The following RTN4R variants were observed in gnomAD, a reference collection of about 807,000 sequenced individuals.
The protein encoded by RTN4R is reticulon 4 receptor, also known as reticulon-4 receptor.
RTN4R carries 4 observed loss-of-function variants against 27.7 expected under a neutral mutation model. That is an observed-to-expected ratio of 0.14 (90% CI 0.07 to 0.33). The LOEUF (loss-of-function observed/expected upper bound fraction) is 0.33. Among genes scored for constraint, RTN4R ranks in the 10% least tolerant of loss-of-function variants. The probability of loss-of-function intolerance (pLI) is 1.00; values close to 1 mark genes in which losing one functional copy is unlikely to be tolerated. For missense variants in RTN4R, 554 were observed against 671.5 expected (o/e 0.83, Z 1.93); for synonymous variants, 290 against 305.6 (o/e 0.95, Z 0.53).
intron 1 of RTN4R, among the ~76,000 whole-genome samples, chr22:20,258,448 C>T (rs760764177): frequency 7.2e-5 from 11 of 152,222 alleles, no homozygotes; most frequent in Non-Finnish European, 1.6e-4. Context: ...GGGTAATGGC[C>T]CATAAGCTCC....
chr22:20,249,043 C>A, intron 1 of RTN4R: 2 of 504,170 alleles, frequency 4.0e-6, no homozygotes, highest in Non-Finnish European at 8.2e-6. Flanking sequence ...AGCCAGTGCC[C>A]CCTTGCCCCA....
In RTN4R at chr22:20,242,748, G is replaced by A; in HGVS notation, c.385C>T (p.Leu129=). 1 of 1,612,730 alleles carries A rather than the reference G, an allele frequency of 6.2e-7. No individual in the cohort carries two copies. The highest frequency in any genetic ancestry group is 8.5e-7 in the Non-Finnish European group (1 of 1,179,690). Residue 129 remains leucine, a synonymous_variant, in exon 2 of 2, where the codon CTG becomes TTG. Transcript: ENST00000043402. ...AGGTGCAGCGTGTGTAGGCGGCCCA[G>A]GCCGTGGAATGTGGCAGGGTCCACA... ...RSVDPATFHG[L]GRLHTLHLDR... is the part of the protein sequence containing the mutation.
rs2051110209 is a variant in RTN4R, at chr22:20,242,049, G to A, written c.1084C>T (p.Arg362Cys). 6.2e-7 allele frequency: 1 copy of A among 1,612,424 alleles called. No homozygotes were observed. The highest frequency in any genetic ancestry group is 8.5e-7 in the Non-Finnish European group (1 of 1,179,880). The change falls in exon 2 of 2, where the codon CGC (arginine) becomes TGC (cysteine). Residue 362 changes from arginine (R) to cysteine (C), a missense_variant. Physicochemically the swap from Arg to Cys is radical, Grantham distance 180. This residue lies in a region of RTN4R where 413 missense variants were observed against 542.3 expected (regional missense o/e 0.76). Coordinates refer to ENST00000043402, the MANE Select transcript of RTN4R (RefSeq NM_023004.6). ...PASAGNALKG[R>C]VPPGDSPPGN... ...GGCGGGCTGTCACCGGGCGGCACGC[G>A]TCCCTTCAGCGCATTGCCTGCCGAA...
intron 1 of RTN4R, among the ~76,000 whole-genome samples, chr22:20,267,069 T>C (rs2051281977): frequency 6.6e-6 from 1 of 152,216 alleles, no homozygotes. Context: ...ACAGCAGGCA[T>C]GCCGCGTGCA....
chr22:20,242,358 C>T lies in RTN4R; in HGVS notation c.775G>A (p.Asp259Asn), dbSNP rs3747073. 7.6e-5 allele frequency: 123 copies of T among 1,612,644 alleles called. No individual in the cohort carries two copies. The East Asian group carries it at 1.9e-3, about 25-fold the overall frequency. ...LRALQYLRLN[D>N]NPWVCDCRAR... The stretch of plus-strand genomic sequence containing the variant: ...CGGCAGTCACACACCCAGGGGTTGT[C>T]GTTGAGCCTCAGGTACTGCAGGGCA... Residue 259 changes from aspartate (D) to asparagine (N), a missense_variant, in exon 2 of 2, where the codon GAC becomes AAC. This residue lies in a region of RTN4R where 413 missense variants were observed against 542.3 expected (regional missense o/e 0.76). Coordinates refer to ENST00000043402, the MANE Select transcript of RTN4R (RefSeq NM_023004.6).
intron 1 of RTN4R, among the ~76,000 whole-genome samples, chr22:20,264,435 C>T (rs1337190276): frequency 6.6e-6 from 1 of 152,194 alleles, no homozygotes. Flanking sequence ...CCCGCCGCTC[C>T]GATCGGGCTT....
chr22:20,267,107 G>A (rs947569440), intron 1 of RTN4R, among the ~76,000 whole-genome samples: 5 of 152,394 alleles, frequency 3.3e-5, no homozygotes, highest in South Asian at 4.1e-4. Flanking sequence ...GTGTGCAGGC[G>A]GGGGCGAGGA....
In RTN4R at chr22:20,242,685, A is replaced by G. The variant is rs2051115756; in HGVS notation, c.448T>C (p.Phe150Leu). ...TACTGCAGGGCAGCCAGGCCGCGGAACAGCCCCGGGCCCAGCTCCTGCAGG... is the reference window on the plus strand; with the variant it reads ...TACTGCAGGGCAGCCAGGCCGCGGAGCAGCCCCGGGCCCAGCTCCTGCAGG... The part of the protein sequence containing the change: ...CGLQELGPGL[F>L]RGLAALQYLY... The change falls in exon 2 of 2, where the codon TTC becomes CTC. Residue 150 changes from phenylalanine (F) to leucine (L), a missense_variant. This residue lies in a region of RTN4R where 413 missense variants were observed against 542.3 expected (regional missense o/e 0.76). Coordinates refer to ENST00000043402, the MANE Select transcript of RTN4R (RefSeq NM_023004.6). 6.2e-7 allele frequency: 1 copy of G among 1,612,422 alleles called. No homozygotes were observed. Among genetic ancestry groups the G allele is most frequent in the Admixed American group, 1.7e-5 (1 of 59,974 alleles).
At chr22:20,256,260 C>A (rs1329941672) in intron 1 of RTN4R, among the ~76,000 whole-genome samples, 1 of 152,200 alleles carries the variant, frequency 6.6e-6, no homozygotes, top group Non-Finnish European at 1.5e-5. Flanking sequence ...AGGGGTCCCT[C>A]AAGTCCAAGG....
At chr22:20,262,915 G>A (rs1008852482) in intron 1 of RTN4R, among the ~76,000 whole-genome samples, 1 of 152,222 alleles carries the variant, frequency 6.6e-6, no homozygotes, top group Non-Finnish European at 1.5e-5. Context: ...TGATAGCCGG[G>A]GATCCAGGCA....
At position 20,241,446 on chromosome 22, in the gene RTN4R, C is replaced by G. The variant is rs1046554120; in HGVS notation, c.*265G>C. The G allele has an allele frequency of 3.7e-6, 2 of 544,796 alleles. No individual in the cohort carries two copies. Among genetic ancestry groups the G allele is most frequent in the Admixed American group, 6.6e-5 (2 of 30,208 alleles). 33.7% of individuals were successfully genotyped at this position (544,796 alleles called of 1,614,324 possible). A position where few individuals can be genotyped will look rare whatever the true frequency, so the allele number is the denominator to read the frequency against. The stretch of plus-strand genomic sequence containing the variant: ...AAAGAGCTCTTTATTCCACGTCGTC[C>G]GATATTTTTACACAAGTAAAATAAA... On this transcript the variant is annotated 3_prime_UTR_variant, in exon 2 of 2. Coordinates refer to ENST00000043402, the MANE Select transcript of RTN4R (RefSeq NM_023004.6).
At chr22:20,247,002 C>T (rs9606294) in intron 1 of RTN4R, among the ~76,000 whole-genome samples, 19,266 of 152,216 alleles carry the variant, frequency 0.13, 1,406 homozygotes, top group South Asian at 0.23. Context: ...CAGTGCTGCC[C>T]GGAGGGGCCA....
At chr22:20,252,469 T>A (rs1414707094) in intron 1 of RTN4R, among the ~76,000 whole-genome samples, 2 of 152,172 alleles carry the variant, frequency 1.3e-5, no homozygotes, top group African/African-American at 4.8e-5. Context: ...ATCCTCCCAT[T>A]GTACGGTGAG....
In RTN4R at chr22:20,242,393, G is replaced by A. The variant is rs771381112; in HGVS notation, c.740C>T (p.Ala247Val). 10 of 1,612,986 alleles carry A rather than the reference G, an allele frequency of 6.2e-6. No individual in the cohort carries two copies. Among genetic ancestry groups the A allele is most frequent in the Middle Eastern group, 1.6e-4 (1 of 6,080 alleles). Reference protein sequence around the residue: ...NLSALPTEALAPLRALQYLRL... With the variant: ...NLSALPTEALVPLRALQYLRL... ...CAGGTACTGCAGGGCACGCAGGGGG[G>A]CCAGGGCCTCAGTGGGCAGCGCTGA... is the stretch of plus-strand genomic sequence containing the variant. The change falls in exon 2 of 2, where the codon GCC (alanine) becomes GTC (valine). Residue 247 changes from alanine to valine, a missense_variant. Around this residue, in one of 2 missense-constraint regions of RTN4R, gnomAD observed 413 missense variants for 542.3 expected, o/e 0.76. Coordinates refer to ENST00000043402, the MANE Select transcript of RTN4R (RefSeq NM_023004.6).
At chr22:20,243,249 C>G in intron 1 of RTN4R, 139 bp from the exon 2 acceptor site, 1 of 782,216 alleles carries the variant, frequency 1.3e-6, no homozygotes, top group Non-Finnish European at 2.1e-6. Flanking sequence ...CCACCACCCC[C>G]GGGAATCGCA....
At chr22:20,263,472 C>A (rs1482037730) in intron 1 of RTN4R, among the ~76,000 whole-genome samples, 1 of 152,240 alleles carries the variant, frequency 6.6e-6, no homozygotes, top group Non-Finnish European at 1.5e-5. Context: ...GTGATACCCC[C>A]AACATTCCAA....
rs750573658 is a variant in RTN4R, at chr22:20,242,153, T to C, written c.980A>G (p.Glu327Gly). 2.5e-6 allele frequency: 4 copies of C among 1,612,050 alleles called. No homozygotes were observed. Among genetic ancestry groups the C allele is most frequent in the Non-Finnish European group, 3.4e-6 (4 of 1,179,662 alleles). The change falls in exon 2 of 2, where the codon GAG (glutamate) becomes GGG (glycine). Residue 327 changes from glutamate (E) to glycine (G), a missense_variant. Transcript: ENST00000043402. ...GCACTTGGGAAGCCCCAGCGGCTCC[T>C]CATCGGTGGCCCTGCCGGTCCAGAT... ...HPIWTGRATD[E>G]EPLGLPKCCQ...
At chr22:20,264,306 T>A (rs184412173) in intron 1 of RTN4R, among the ~76,000 whole-genome samples, 7 of 152,302 alleles carry the variant, frequency 4.6e-5, no homozygotes, top group African/African-American at 1.7e-4. Context: ...GTTCCCGATG[T>A]GCAAAATGTT....
Position 20,268,296 on chromosome 22 carries a change from CGAGG to C in RTN4R, c.-208_-205del, listed in dbSNP as rs1569044611. On this transcript the variant is annotated 5_prime_UTR_variant, in exon 1 of 2. Coordinates refer to ENST00000043402, the MANE Select transcript of RTN4R (RefSeq NM_023004.6). The stretch of plus-strand genomic sequence containing the variant: ...CGCAGGGCGCGCAGGGCGCACAGGG[CGAGG>C]GCGGCGGCGGCGCGGGGGTTGGGGC... 0.021 allele frequency: 23 copies of C among 1,072 alleles called. No individual in the cohort carries two copies. The highest frequency in any genetic ancestry group is 0.11 in the East Asian group (2 of 18). 0.1% of individuals were successfully genotyped at this position (1,072 alleles called of 1,614,324 possible).
Sources: gnomAD v4.1 joint callset for allele counts (sites outside exome capture counted in the v4.1 genomes callset) on GRCh38, gnomAD v4.1.1 for gene constraint, gnomAD v4.1.1 regional missense constraint, MANE v1.5 for transcripts, NCBI Gene and HGNC (gene_info 2026-07-23, HGNC 2026-07-21) for gene names.